RHCG: variants seen among roughly 807,000 people sequenced by gnomAD.
RHCG encodes the protein Rh family C glycoprotein, also known as ammonium transporter Rh type C.
A neutral mutation model predicts 55.3 loss-of-function variants in RHCG; 39 were observed. The observed-to-expected ratio is 0.70, with a 90% confidence interval of 0.55 to 0.92. RHCG has a LOEUF of 0.92. RHCG is among the 40% of genes least tolerant of loss of function. RHCG has a pLI of 0.00. For synonymous variants in RHCG, 250 were observed against 246.8 expected, an observed-to-expected ratio of 1.01 and a Z score of -0.12; for missense variants, 635 against 627.9, an observed-to-expected ratio of 1.01 and a Z score of -0.12.
rs1961164847 is a variant in RHCG at position 89,477,076 on chromosome 15, G to C, written c.1237+6C>G. On this transcript the variant is annotated splice_donor_region_variant and intron_variant, in intron 8 of 10. Transcript: ENST00000268122. This position sits in a 1 kb window ranked among gnomAD's most constrained non-coding sequence, Gnocchi z 4.5. ...CCCCTTCTCTGGCTCAGCCATTCCT[G>C]CTCACCCACAATGATGCCACCCATC... The C allele has an allele frequency of 6.2e-7, 1 of 1,614,002 alleles. No individual in the cohort carries two copies. The highest frequency in any genetic ancestry group is 8.5e-7 in the Non-Finnish European group (1 of 1,179,968).
intron 5 of RHCG, 130 bp from the exon 6 acceptor site, chr15:89,478,104 C>T: frequency 8.3e-7 from 1 of 1,208,400 alleles, no homozygotes; most frequent in Non-Finnish European, 1.1e-6. Flanking sequence ...TGGGAGTTCA[C>T]CTCAGCAAGC....
chr15:89,493,078 C>A (rs551935118), intron 1 of RHCG, among the ~76,000 whole-genome samples: 64 of 152,334 alleles, frequency 4.2e-4, no homozygotes, highest in Non-Finnish European at 8.2e-4. Context: ...AGTTCCACTG[C>A]CTTCTGCCTG....
At chr15:89,486,593 AGAGAGAGT>A (rs1236372013) in intron 2 of RHCG, 198 bp downstream of exon 2, 28 of 417,262 alleles carry the variant, frequency 6.7e-5, no homozygotes, top group African/African-American at 2.0e-4. Flanking sequence ...AGAGAGAGAG[AGAGAGAGT>A]GTGTGTGTGT....
At chr15:89,483,646 T>C (rs946525299) in intron 2 of RHCG, among the ~76,000 whole-genome samples, 3 of 152,140 alleles carry the variant, frequency 2.0e-5, no homozygotes, top group Non-Finnish European at 2.9e-5. Context: ...AGTTTCTGCC[T>C]CCAGATCCTT....
At chr15:89,479,271 C>G (rs552684260) in intron 5 of RHCG, 51 bp downstream of exon 5, 8 of 1,570,950 alleles carry the variant, frequency 5.1e-6, no homozygotes, top group East Asian at 2.3e-5. Flanking sequence ...GTGATCAGCG[C>G]CCTCCAGGCC....
intron 1 of RHCG, among the ~76,000 whole-genome samples, chr15:89,495,810 G>A (rs1044036597): frequency 6.6e-6 from 1 of 152,244 alleles, no homozygotes; most frequent in African/African-American, 2.4e-5. Context: ...CAAGAGCCAC[G>A]AGAGCATGAG....
At chr15:89,479,730 G>T (rs1022086318) in intron 4 of RHCG, 1 of 530,910 alleles carries the variant, frequency 1.9e-6, no homozygotes, top group African/African-American at 1.9e-5. Context: ...TGGGCTAAAT[G>T]CCCCCACCCT....
At chr15:89,488,803 A>G (rs1332604209) in intron 1 of RHCG, among the ~76,000 whole-genome samples, 1 of 151,012 alleles carries the variant, frequency 6.6e-6, no homozygotes, top group Admixed American at 6.6e-5. Context: ...AATGGTCATT[A>G]TTGGGTCCAT....
intron 2 of RHCG, among the ~76,000 whole-genome samples, chr15:89,484,185 T>A (rs1281617941): frequency 1.3e-5 from 2 of 152,164 alleles, no homozygotes; most frequent in Non-Finnish European, 2.9e-5. Context: ...AGAATGAAAC[T>A]AATTGTAGGG....
In RHCG at chr15:89,477,619, G is replaced by A; in HGVS notation, c.1010C>T (p.Thr337Ile). 6.2e-7 allele frequency: 1 copy of A among 1,614,162 alleles called. No homozygotes were observed. ...GCCATGCAGATTGTTAATGCCACATGTGTCCTGGATGTGCAGCCGGGACTC... is the reference window on the plus strand; with the variant it reads ...GCCATGCAGATTGTTAATGCCACATATGTCCTGGATGTGCAGCCGGGACTC... The part of the protein sequence containing the change: ...FLESRLHIQD[T>I]CGINNLHGIP... Residue 337 changes from threonine (T) to isoleucine (I), a missense_variant, in exon 7 of 11, where the codon ACA (threonine) becomes ATA (isoleucine). Transcript: ENST00000268122. This position sits in a 1 kb window ranked among gnomAD's most constrained non-coding sequence, Gnocchi z 4.5.
Position 89,480,492 on chromosome 15 carries a change from C to T in RHCG, c.523-84G>A, listed in dbSNP as rs536097675. The T allele has an allele frequency of 9.9e-5, 148 of 1,495,810 alleles. 1 individual carries two copies. The Admixed American group carries it at 1.1e-3, about 11-fold the overall frequency. 92.7% of individuals were successfully genotyped at this position (1,495,810 alleles called of 1,614,324 possible). On this transcript the variant is annotated intron_variant, in intron 3 of 10. Coordinates refer to ENST00000268122, the MANE Select transcript of RHCG (RefSeq NM_016321.3). Reference sequence around the variant, plus strand: ...GTCCCTGTCTTGCCACACACACACACGCCCAGAGCTCCAGCCTTCTCGGAC... The same window carrying T: ...GTCCCTGTCTTGCCACACACACACATGCCCAGAGCTCCAGCCTTCTCGGAC...
At chr15:89,484,484 A>T (rs889209305) in intron 2 of RHCG, among the ~76,000 whole-genome samples, 1 of 152,164 alleles carries the variant, frequency 6.6e-6, no homozygotes, top group African/African-American at 2.4e-5. Flanking sequence ...TGACCATTAG[A>T]AAGGAGAGAG....
intron 1 of RHCG, among the ~76,000 whole-genome samples, chr15:89,488,995 T>C (rs1266089449): frequency 2.0e-5 from 3 of 152,140 alleles, no homozygotes; most frequent in African/African-American, 7.2e-5. Flanking sequence ...TGACTGACCC[T>C]CACATGGTTC....
rs1961157402 is a variant in RHCG at position 89,476,771 on chromosome 15, TC to T, written c.1294del (p.Asp432MetfsTer72). ...GQPSDENCFE[D>X]AVYWEMPEGN... ...GGAACTCACCTCCCAGTAGACCGCA[TC>T]CTCAAAGCAGTTCTCATCTGAAGGT... On this transcript the variant is annotated frameshift_variant, in exon 9 of 11. Transcript: ENST00000268122. LOFTEE classifies it high-confidence loss of function. 1 of 1,614,044 alleles carries T rather than the reference TC, an allele frequency of 6.2e-7. No homozygotes were observed. Among genetic ancestry groups the T allele is most frequent in the Middle Eastern group, 1.6e-4 (1 of 6,062 alleles).
At chr15:89,486,408 CG>C (rs1961359055) in intron 2 of RHCG, 3 of 456,796 alleles carry the variant, frequency 6.6e-6, no homozygotes, top group Non-Finnish European at 4.4e-6. Context: ...TTTGATGTGC[CG>C]GGCCCGGTCG....
In RHCG at chr15:89,486,928, A is replaced by C. The variant is rs1286429433; in HGVS notation, c.242T>G (p.Leu81Arg). The C allele has an allele frequency of 6.2e-7, 1 of 1,612,046 alleles. No individual in the cohort carries two copies. The highest frequency in any genetic ancestry group is 1.3e-5 in the African/African-American group (1 of 74,872). ...CACGGCGCTGAAGCCGTAGCGCTGC[A>C]GGAAAGTCATGAGGAAGCCGAAGCC... The part of the protein sequence containing the change: ...FVGFGFLMTF[L>R]QRYGFSAVGF... Residue 81 changes from leucine to arginine, a missense_variant, in exon 2 of 11, where the codon CTG (leucine) becomes CGG (arginine). Coordinates refer to ENST00000268122, the MANE Select transcript of RHCG (RefSeq NM_016321.3).
rs1348420690 is a variant in RHCG, at chr15:89,479,462, G to A, written c.697C>T (p.Pro233Ser). Residue 233 changes from proline to serine, a missense_variant, in exon 5 of 11, where the codon CCC becomes TCC. Pro to Ser is a moderately conservative substitution (Grantham distance 74). Coordinates refer to ENST00000268122, the MANE Select transcript of RHCG (RefSeq NM_016321.3). ...IGTLFLWMYW[P>S]SFNSAISYHG... is the part of the protein sequence containing the mutation. ...TAGGATATGGCTGAGTTGAAGCTGGGCCAGTACATCCACAGGAAGAGGGTG... is the reference window on the plus strand; with the variant it reads ...TAGGATATGGCTGAGTTGAAGCTGGACCAGTACATCCACAGGAAGAGGGTG... The A allele has an allele frequency of 6.2e-7, 1 of 1,613,426 alleles. No individual in the cohort carries two copies. Among genetic ancestry groups the A allele is most frequent in the Non-Finnish European group, 8.5e-7 (1 of 1,179,774 alleles).
At chr15:89,490,231 ATCTGTTTCCCT>A (rs916437104) in intron 1 of RHCG, among the ~76,000 whole-genome samples, 2 of 152,206 alleles carry the variant, frequency 1.3e-5, no homozygotes, top group African/African-American at 4.8e-5. Context: ...GCCTGCCCTC[ATCTGTTTCCCT>A]TCCAGGCTTC....
At chr15:89,492,249 C>T (rs970062330) in intron 1 of RHCG, among the ~76,000 whole-genome samples, 1 of 152,170 alleles carries the variant, frequency 6.6e-6, no homozygotes, top group Non-Finnish European at 1.5e-5. Context: ...CAGCCCCCAG[C>T]CCCGTTCTAG....
Sources: allele counts gnomAD v4.1 joint callset (sites outside exome capture counted in the v4.1 genomes callset), GRCh38; gene constraint gnomAD v4.1.1; non-coding constraint Gnocchi (gnomAD v3.1); transcripts MANE v1.5; gene names NCBI Gene and HGNC (gene_info 2026-07-23, HGNC 2026-07-21).